Variants in MAP2K5 observed in about 807,000 individuals in gnomAD.
MAP2K5 encodes dual specificity mitogen-activated protein kinase kinase 5.
Under a neutral mutation model 83.1 loss-of-function variants are expected in MAP2K5, and 49 were observed. That is an observed-to-expected ratio of 0.59 (90% CI 0.47 to 0.75). The LOEUF (loss-of-function observed/expected upper bound fraction) is 0.75. MAP2K5 is among the 30% of genes least tolerant of loss of function. The probability of loss-of-function intolerance (pLI) is 0.00; values close to 1 mark genes in which losing one functional copy is unlikely to be tolerated. For synonymous variants in MAP2K5, 202 were observed against 191.8 expected, an observed-to-expected ratio of 1.05 and a Z score of -0.44; for missense variants, 457 against 557.5, an observed-to-expected ratio of 0.82 and a Z score of 1.82.
At chr15:67,584,672 CTTT>C (rs36111747) in intron 4 of MAP2K5, among the ~76,000 whole-genome samples, 3 of 106,100 alleles carry the variant, frequency 2.8e-5, no homozygotes, top group Non-Finnish European at 3.6e-5. Context: ...ATATCTTCTC[CTTT>C]TTTTTTTTTT....
At chr15:67,766,080 C>T (rs866404828) in intron 19 of MAP2K5, among the ~76,000 whole-genome samples, 1 of 152,174 alleles carries the variant, frequency 6.6e-6, no homozygotes, top group Non-Finnish European at 1.5e-5. Context: ...CAGGTAGTTA[C>T]TGAAACCTCT....
At chr15:67,579,949 A>G (rs1326093713) in intron 3 of MAP2K5, among the ~76,000 whole-genome samples, 1 of 152,116 alleles carries the variant, frequency 6.6e-6, no homozygotes, top group East Asian at 1.9e-4. Flanking sequence ...CATTGTGGAT[A>G]TTTTTCCACT....
intron 8 of MAP2K5, among the ~76,000 whole-genome samples, chr15:67,620,274 G>A (rs543906757): frequency 6.6e-6 from 1 of 152,264 alleles, no homozygotes; most frequent in South Asian, 2.1e-4. Context: ...GGGAGGCTGA[G>A]GCAGGAGAAT....
chr15:67,796,010 A>G (rs1800269186), intron 21 of MAP2K5, among the ~76,000 whole-genome samples: 1 of 152,118 alleles, frequency 6.6e-6, no homozygotes, highest in African/African-American at 2.4e-5. Context: ...TTTTGTTGAT[A>G]TTAATATAGC....
chr15:67,679,234 C>G (rs554406120), intron 13 of MAP2K5, among the ~76,000 whole-genome samples: 2 of 152,220 alleles, frequency 1.3e-5, no homozygotes, highest in East Asian at 3.9e-4. Context: ...CCTTTATTAG[C>G]AAGCTTCTGC....
intron 3 of MAP2K5, among the ~76,000 whole-genome samples, chr15:67,566,523 T>G (rs1306239473): frequency 2.6e-5 from 4 of 152,210 alleles, no homozygotes; most frequent in Non-Finnish European, 5.9e-5. Flanking sequence ...TGTGGTCATC[T>G]TAGTATTTCT....
At chr15:67,653,692 A>G (rs2087003741) in intron 11 of MAP2K5, among the ~76,000 whole-genome samples, 1 of 151,416 alleles carries the variant, frequency 6.6e-6, no homozygotes, top group Non-Finnish European at 1.5e-5. Context: ...TTCTGCTTAA[A>G]TTTTATTATT....
intron 2 of MAP2K5, among the ~76,000 whole-genome samples, chr15:67,560,348 C>T (rs2084709271): frequency 7.9e-5 from 12 of 152,204 alleles, no homozygotes; most frequent in Admixed American, 7.2e-4. Flanking sequence ...TGGACAAAAA[C>T]AAGGAGTCTT....
intron 8 of MAP2K5, among the ~76,000 whole-genome samples, chr15:67,610,700 G>C (rs560566941): frequency 6.6e-6 from 1 of 152,074 alleles, no homozygotes; most frequent in Non-Finnish European, 1.5e-5. Flanking sequence ...ATATGTTTAG[G>C]TTCTGATTTG....
rs1242423072 is a variant in MAP2K5 at position 67,577,364 on chromosome 15, A to G, written c.253-3390A>G. ...CAGACTTAGAATTCAACCCCATTTCAATCAGTAAATGTTTATTAAACACCT... is the reference window on the plus strand; with the variant it reads ...CAGACTTAGAATTCAACCCCATTTCGATCAGTAAATGTTTATTAAACACCT... On this transcript the variant is annotated intron_variant, in intron 3 of 21. Transcript: ENST00000178640. This position sits in a 1 kb window ranked among gnomAD's most constrained non-coding sequence, Gnocchi z 4.1. 2.0e-5 allele frequency among the ~76,000 whole-genome samples: 3 copies of G among 152,244 alleles called. No homozygotes were observed. In the East Asian group the frequency reaches 5.8e-4, roughly 29 times the overall value.
At chr15:67,612,816 C>T (rs578102668) in intron 8 of MAP2K5, among the ~76,000 whole-genome samples, 3 of 152,300 alleles carry the variant, frequency 2.0e-5, no homozygotes, top group East Asian at 3.9e-4. Context: ...TCAATTAAAG[C>T]ACAGGCATTT....
At position 67,775,745 on chromosome 15, in the gene MAP2K5, T is replaced by G. The variant is rs1440410722; in HGVS notation, c.1242+2993T>G. Among the ~76,000 whole-genome samples the G allele has an allele frequency of 6.6e-6, 1 of 151,506 alleles. No homozygotes were observed. The highest frequency in any genetic ancestry group is 2.4e-5 in the African/African-American group (1 of 41,160). ...TGAAAAGGGCCTTTGGAGGATGAAG[T>G]GAATTTTAATAGAGAGCTTTGAAGG... On this transcript the variant is annotated intron_variant, in intron 21 of 21. Coordinates refer to ENST00000178640, the MANE Select transcript of MAP2K5 (RefSeq NM_145160.3). The surrounding 1 kb of genome is among the most constrained non-coding windows in gnomAD (Gnocchi z 5.3).
At chr15:67,762,266 A>T (rs1389423964) in intron 19 of MAP2K5, among the ~76,000 whole-genome samples, 1 of 152,180 alleles carries the variant, frequency 6.6e-6, no homozygotes, top group Non-Finnish European at 1.5e-5. Flanking sequence ...GCTCTGCCTA[A>T]GCCACTGAAA....
At chr15:67,792,290 ATAAT>A (rs2090531333) in intron 21 of MAP2K5, among the ~76,000 whole-genome samples, 1 of 152,174 alleles carries the variant, frequency 6.6e-6, no homozygotes, top group African/African-American at 2.4e-5. Context: ...AATTTCAAGG[ATAAT>A]TAGTTTTTCT....
chr15:67,591,876 CCG>C (rs1196988195), intron 6 of MAP2K5, among the ~76,000 whole-genome samples: 1 of 151,876 alleles, frequency 6.6e-6, no homozygotes, highest in Non-Finnish European at 1.5e-5. Flanking sequence ...CTTTGGGAGG[CCG>C]AGGCGGGCAG....
At chr15:67,772,325 G>C (rs1006284974) in intron 20 of MAP2K5, among the ~76,000 whole-genome samples, 1 of 152,044 alleles carries the variant, frequency 6.6e-6, no homozygotes, top group Non-Finnish European at 1.5e-5. Context: ...AAAAAAAAAG[G>C]TATATTCTCT....
At chr15:67,772,997 A>G (rs1241739423) in intron 21 of MAP2K5, among the ~76,000 whole-genome samples, 5 of 152,182 alleles carry the variant, frequency 3.3e-5, no homozygotes, top group African/African-American at 7.2e-5. Flanking sequence ...AAGGGTCACA[A>G]ACTTAATGTA....
rs1215820458 is a variant in MAP2K5 at position 67,794,703 on chromosome 15, T to A, written c.1243-11943T>A. ...TATTTACATTTACCCAAAGTTTTGA[T>A]GTTTTGATGTCCAGTGTCTAGCAAT... On this transcript the variant is annotated intron_variant, in intron 21 of 21. Coordinates refer to ENST00000178640, the MANE Select transcript of MAP2K5 (RefSeq NM_145160.3). This position sits in a 1 kb window ranked among gnomAD's most constrained non-coding sequence, Gnocchi z 4.6. Among the ~76,000 whole-genome samples the A allele has an allele frequency of 2.0e-5, 3 of 152,028 alleles. No individual in the cohort carries two copies. The highest frequency in any genetic ancestry group is 6.6e-5 in the Admixed American group (1 of 15,260).
chr15:67,613,019 G>T (rs2085965845), intron 8 of MAP2K5, among the ~76,000 whole-genome samples: 1 of 152,054 alleles, frequency 6.6e-6, no homozygotes, highest in South Asian at 2.1e-4. Flanking sequence ...TATTTACAGA[G>T]GCCTCTACTG....
Sources: allele counts gnomAD v4.1 joint callset (sites outside exome capture counted in the v4.1 genomes callset), GRCh38; gene constraint gnomAD v4.1.1; non-coding constraint Gnocchi (gnomAD v3.1); transcripts MANE v1.5; gene names NCBI Gene and HGNC (gene_info 2026-07-23, HGNC 2026-07-21).